Variants in NOTCH2 observed in about 807,000 individuals in gnomAD.
NOTCH2 encodes the protein notch receptor 2.
NOTCH2 carries 29 observed loss-of-function variants against 235.8 expected under a neutral mutation model. That is an observed-to-expected ratio of 0.12 (90% CI 0.09 to 0.17). NOTCH2 has a LOEUF of 0.17. Ranked by LOEUF, NOTCH2 falls within the 10% of genes least tolerant of loss-of-function variation. NOTCH2 has a pLI of 1.00. For missense variants in NOTCH2, 2,285 were observed against 3,150.2 expected (o/e 0.73, Z 6.57); for synonymous variants, 1,086 against 1,141.5 (o/e 0.95, Z 0.98).
intron 13 of NOTCH2, among the ~76,000 whole-genome samples, chr1:119,954,066 T>C (rs144306384): frequency 3.3e-5 from 5 of 152,276 alleles, no homozygotes; most frequent in Non-Finnish European, 7.4e-5. Context: ...TGGTGCCAAA[T>C]AGATACCTAG....
chr1:120,063,231 C>T (rs1655377344), intron 1 of NOTCH2, among the ~76,000 whole-genome samples: 1 of 152,122 alleles, frequency 6.6e-6, no homozygotes, highest in South Asian at 2.1e-4. Flanking sequence ...ATTTCATTTG[C>T]TGCAGCAGCC....
chr1:119,958,853 T>C (rs1650816448), intron 12 of NOTCH2, among the ~76,000 whole-genome samples: 1 of 152,088 alleles, frequency 6.6e-6, no homozygotes, highest in Non-Finnish European at 1.5e-5. Flanking sequence ...ACTTTCTTCC[T>C]CCTGGGCAGA....
intron 32 of NOTCH2, 22 bp downstream of exon 32, chr1:119,918,384 A>G (rs1485069901): frequency 2.5e-6 from 4 of 1,613,544 alleles, no homozygotes; most frequent in Non-Finnish European, 3.4e-6. Flanking sequence ...TAAGAATCCA[A>G]ATCCCTGCCT....
At chr1:119,946,313 A>G (rs1210263470) in intron 17 of NOTCH2, among the ~76,000 whole-genome samples, 1 of 152,116 alleles carries the variant, frequency 6.6e-6, no homozygotes, top group Non-Finnish European at 1.5e-5. Context: ...TTCTATGAGG[A>G]CAGCATTGCC....
At chr1:119,935,077 G>GT in intron 22 of NOTCH2, 1 of 978,698 alleles carries the variant, frequency 1.0e-6, no homozygotes, top group Non-Finnish European at 1.2e-6. Flanking sequence ...CCTTATAGAG[G>GT]TAAGACTTGG....
At chr1:119,933,698 T>A (rs587743880) in intron 22 of NOTCH2, among the ~76,000 whole-genome samples, 1 of 152,342 alleles carries the variant, frequency 6.6e-6, no homozygotes, top group Admixed American at 6.5e-5. Flanking sequence ...CTTTACCATA[T>A]GGTTAGAAGA....
intron 5 of NOTCH2, among the ~76,000 whole-genome samples, chr1:119,971,459 C>A (rs1422402269): frequency 1.3e-5 from 2 of 152,200 alleles, no homozygotes; most frequent in Non-Finnish European, 2.9e-5. Context: ...TGGAGTAGGA[C>A]CACTTTGCCA....
In NOTCH2 at chr1:119,955,214, T is replaced by C. The variant is rs1553198267; in HGVS notation, c.2045A>G (p.Asp682Gly). The C allele has an allele frequency of 6.2e-7, 1 of 1,613,998 alleles. No individual in the cohort carries two copies. Among genetic ancestry groups the C allele is most frequent in the East Asian group, 2.2e-5 (1 of 44,892 alleles). ...GGGATTGGAGGCACACTCATCAATG[T>C]CAATGTTACATCTCTGCCCTGTGGA... ...PGFTGQRCNIDIDECASNPCR... is the reference protein window; with the variant it reads ...PGFTGQRCNIGIDECASNPCR... Residue 682 changes from aspartate to glycine, a missense_variant, in exon 13 of 34, where the codon GAC becomes GGC. Physicochemically the swap from Asp to Gly is moderately conservative, Grantham distance 94. Coordinates refer to ENST00000256646, the MANE Select transcript of NOTCH2 (RefSeq NM_024408.4).
chr1:120,007,194 C>G (rs1273307056), intron 2 of NOTCH2, among the ~76,000 whole-genome samples: 1,219 of 150,852 alleles, frequency 8.1e-3, no homozygotes, highest in African/African-American at 0.029. Flanking sequence ...AGATGGCATG[C>G]AGGTGACTGT....
chr1:119,920,357 A>G lies in NOTCH2; in HGVS notation c.5351T>C (p.Ile1784Thr), dbSNP rs587669550. 9 of 1,614,190 alleles carry G rather than the reference A, an allele frequency of 5.6e-6. No homozygotes were observed. In the South Asian group the frequency reaches 9.9e-5, roughly 18 times the overall value. Reference sequence around the variant, plus strand: ...CTGCTGTGTCCATGGCCGTCGATCAATGGGGTCATCTTCTTCTGAGAGTAA... The same window carrying G: ...CTGCTGTGTCCATGGCCGTCGATCAGTGGGGTCATCTTCTTCTGAGAGTAA... ...EALLSEEDDPIDRRPWTQQHL... is the reference protein window; with the variant it reads ...EALLSEEDDPTDRRPWTQQHL... The change falls in exon 30 of 34, where the codon ATT (isoleucine) becomes ACT (threonine). Residue 1784 changes from isoleucine (I) to threonine (T), a missense_variant. Physicochemically the swap from Ile to Thr is moderately conservative, Grantham distance 89. Transcript: ENST00000256646.
At position 119,918,536 on chromosome 1, in the gene NOTCH2, T is replaced by C. The variant is rs1649165617; in HGVS notation, c.5799A>G (p.Arg1933=). The C allele has an allele frequency of 3.1e-6, 5 of 1,614,100 alleles. No individual in the cohort carries two copies. Among genetic ancestry groups the C allele is most frequent in the South Asian group, 1.1e-5 (1 of 91,076 alleles). Residue 1933 remains arginine, a synonymous_variant, in exon 32 of 34, where the codon CGA becomes CGG. Transcript: ENST00000256646. ...TCATCCTGGCATCTAGATCAGTTAC[T>C]CGGTTGCGAATCAGAATCTAGAAGA... The part of the protein sequence containing the change: ...QGVFQILIRN[R]VTDLDARMND...
intron 2 of NOTCH2, among the ~76,000 whole-genome samples, chr1:120,025,511 A>G (rs1653807201): frequency 6.9e-6 from 1 of 145,172 alleles, no homozygotes; most frequent in African/African-American, 2.5e-5. Context: ...TAGCATCCAT[A>G]GGATCAAGAT....
Position 119,969,418 on chromosome 1 carries a change from C to A in NOTCH2, c.1108+93G>T, listed in dbSNP as rs1651276216. 1.4e-5 allele frequency: 15 copies of A among 1,068,974 alleles called. No individual in the cohort carries two copies. The East Asian group carries it at 3.9e-4, about 27-fold the overall frequency. The allele number at this position is 1,068,974 out of a possible 1,614,324, so 66.2% of individuals were successfully genotyped here. A position where few individuals can be genotyped will look rare whatever the true frequency, so the allele number is the denominator to read the frequency against. The stretch of plus-strand genomic sequence containing the variant: ...TGATATGTTCCCATAGATGGTAACT[C>A]AAAGAATATGCTGTTTGGGATGAAA... On this transcript the variant is annotated intron_variant, in intron 6 of 33. Transcript: ENST00000256646.
intron 31 of NOTCH2, among the ~76,000 whole-genome samples, chr1:119,918,913 T>A (rs17258558): frequency 0.021 from 3,210 of 152,008 alleles, 49 homozygotes; most frequent in South Asian, 0.036. Context: ...GAATATAATA[T>A]GAACTCAGGT....
intron 1 of NOTCH2, among the ~76,000 whole-genome samples, chr1:120,041,041 C>CAAAAAAAAAAA (rs71586698): frequency 6.4e-5 from 1 of 15,668 alleles, no homozygotes; most frequent in Non-Finnish European, 1.1e-4. Flanking sequence ...ACTCTGCCTG[C>CAAAAAAAAAAA]AAAAAAAAAA....
chr1:120,064,817 C>T (rs1160781335), intron 1 of NOTCH2, among the ~76,000 whole-genome samples: 1 of 146,974 alleles, frequency 6.8e-6, no homozygotes, highest in Non-Finnish European at 1.5e-5. Flanking sequence ...TACAAGTTTG[C>T]AATATCCAAC....
At chr1:119,987,122 A>G (rs1553202326) in intron 4 of NOTCH2, 40 bp from the exon 5 acceptor site, 3 of 1,612,128 alleles carry the variant, frequency 1.9e-6, no homozygotes, top group Admixed American at 3.3e-5. Flanking sequence ...GAAATCTCAT[A>G]CAGAAGAAAC....
chr1:119,975,201 A>G (rs1241414010), intron 5 of NOTCH2, among the ~76,000 whole-genome samples: 2 of 151,208 alleles, frequency 1.3e-5, no homozygotes, highest in African/African-American at 4.9e-5. Context: ...AGAGGAAGAA[A>G]CTCAGAGTGC....
intron 2 of NOTCH2, among the ~76,000 whole-genome samples, chr1:120,015,257 C>T (rs1553207774): frequency 6.6e-6 from 1 of 152,172 alleles, no homozygotes; most frequent in Admixed American, 6.5e-5. Context: ...GCAGAAAATT[C>T]TTTGAACAGA....
Sources: allele counts gnomAD v4.1 joint callset (sites outside exome capture counted in the v4.1 genomes callset), GRCh38; gene constraint gnomAD v4.1.1; transcripts MANE v1.5; gene names NCBI Gene and HGNC (gene_info 2026-07-23, HGNC 2026-07-21).